SLIT3: variants seen among roughly 807,000 people sequenced by gnomAD.
The protein encoded by SLIT3 is slit guidance ligand 3.
A neutral mutation model predicts 184.0 loss-of-function variants in SLIT3; 68 were observed. The observed-to-expected ratio is 0.37, with a 90% CI of 0.30 to 0.45. The LOEUF (loss-of-function observed/expected upper bound fraction) is 0.45. SLIT3 is among the 20% of genes least tolerant of loss of function. The pLI is 1.00. For missense variants in SLIT3, 1,707 were observed against 2,026.0 expected, an observed-to-expected ratio of 0.84 and a Z score of 3.02; for synonymous variants, 831 against 828.6, an observed-to-expected ratio of 1.00 and a Z score of -0.05.
intron 4 of SLIT3, among the ~76,000 whole-genome samples, chr5:169,063,437 C>G (rs1758243696): frequency 6.6e-6 from 1 of 152,222 alleles, no homozygotes; most frequent in Non-Finnish European, 1.5e-5. Flanking sequence ...TCCCTCGATT[C>G]TCTTGTGGCT....
intron 20 of SLIT3, among the ~76,000 whole-genome samples, chr5:168,738,100 CAA>C (rs1763495213): frequency 6.6e-6 from 1 of 152,234 alleles, no homozygotes; most frequent in South Asian, 2.1e-4. Flanking sequence ...GAGTGGTTCT[CAA>C]AGTGTCATCC....
rs371554977 is a variant in SLIT3 at position 168,700,702 on chromosome 5, G to A, written c.2845-23C>T. The A allele has an allele frequency of 1.5e-4, 245 of 1,594,442 alleles. No homozygotes were observed. In the African/African-American group the frequency reaches 2.9e-3, roughly 19 times the overall value. ...GCCCTGAGGAGCAAAAGAGGGAGAA[G>A]CACCTGGTTAGGGGGACTTCTGGGG... On this transcript the variant is annotated intron_variant, in intron 26 of 35. Coordinates refer to ENST00000519560, the MANE Select transcript of SLIT3 (RefSeq NM_003062.4).
At chr5:169,072,470 TTCCAGGTCTC>T (rs1431403999) in intron 4 of SLIT3, among the ~76,000 whole-genome samples, 2 of 152,210 alleles carry the variant, frequency 1.3e-5, no homozygotes, top group Non-Finnish European at 2.9e-5. Context: ...ACATTATTCA[TTCCAGGTCTC>T]TCCAGCTCCA....
intron 4 of SLIT3, among the ~76,000 whole-genome samples, chr5:169,185,478 T>C (rs1457609969): frequency 3.3e-5 from 5 of 152,202 alleles, no homozygotes; most frequent in Non-Finnish European, 7.3e-5. Context: ...ATGGATTGGT[T>C]TTTCTGTTGT....
intron 3 of SLIT3, among the ~76,000 whole-genome samples, chr5:169,195,105 A>C (rs749182938): frequency 5.3e-5 from 8 of 152,210 alleles, no homozygotes; most frequent in Admixed American, 2.6e-4. Context: ...TGATGTAACT[A>C]TATGATCCCC....
rs565497064 is a variant in SLIT3 at position 168,683,832 on chromosome 5, T to G, written c.3686+134A>C. 1,240 of 758,564 alleles carry G rather than the reference T, an allele frequency of 1.6e-3. 2 individuals carry two copies. The highest frequency in any genetic ancestry group is 2.1e-3 in the South Asian group (60 of 28,012). The allele number at this position is 758,564 out of a possible 1,614,324, so 47.0% of individuals were successfully genotyped here. On this transcript the variant is annotated intron_variant, in intron 32 of 35. Coordinates refer to ENST00000519560, the MANE Select transcript of SLIT3 (RefSeq NM_003062.4). The stretch of plus-strand genomic sequence containing the variant: ...ACTCGGTGAGGAGGAAGTGTGTGTG[T>G]GCGCACATGTGCGTGGTAGGGGCGG...
At chr5:169,104,336 A>C (rs1308200900) in intron 4 of SLIT3, among the ~76,000 whole-genome samples, 2 of 152,148 alleles carry the variant, frequency 1.3e-5, no homozygotes, top group Non-Finnish European at 2.9e-5. Context: ...AAATAAGCCC[A>C]CGCAGAACTC....
chr5:168,664,394 C>T lies in SLIT3; in HGVS notation c.*2060G>A, dbSNP rs1199475275. 1 of 152,160 alleles carries T rather than the reference C, an allele frequency of 6.6e-6. No homozygotes were observed. Among genetic ancestry groups the T allele is most frequent in the Non-Finnish European group, 1.5e-5 (1 of 68,062 alleles). 9.4% of individuals were successfully genotyped at this position (152,160 alleles called of 1,614,324 possible). A position where few individuals can be genotyped will look rare whatever the true frequency, so the allele number is the denominator to read the frequency against. On this transcript the variant is annotated 3_prime_UTR_variant, in exon 36 of 36. Coordinates refer to ENST00000519560, the MANE Select transcript of SLIT3 (RefSeq NM_003062.4). ...CCTTGTCTCTAATGACAACAAAAAA[C>T]AAAGCCATCATAAGGCACAGTACCT...
intron 4 of SLIT3, chr5:169,023,598 C>T (rs760238977): frequency 5.4e-5 from 8 of 148,284 alleles, no homozygotes; most frequent in Non-Finnish European, 8.9e-5. Context: ...TATTTCTACC[C>T]TCTGTTCTTT....
At chr5:169,178,761 T>A (rs1458175321) in intron 4 of SLIT3, among the ~76,000 whole-genome samples, 1 of 152,180 alleles carries the variant, frequency 6.6e-6, no homozygotes, top group Non-Finnish European at 1.5e-5. Context: ...CCCCACCCAA[T>A]TCATTTAATG....
chr5:169,052,654 G>C (rs991465396), intron 4 of SLIT3, among the ~76,000 whole-genome samples: 7 of 152,170 alleles, frequency 4.6e-5, no homozygotes, highest in African/African-American at 1.7e-4. Flanking sequence ...ACATGTGGTA[G>C]GTCACATCCT....
At chr5:169,255,550 T>A (rs369349288) in intron 1 of SLIT3, among the ~76,000 whole-genome samples, 1 of 152,174 alleles carries the variant, frequency 6.6e-6, no homozygotes, top group East Asian at 1.9e-4. Flanking sequence ...TTAAGCTAAG[T>A]GTTATTACGA....
intron 29 of SLIT3, among the ~76,000 whole-genome samples, chr5:168,687,479 C>T (rs915165306): frequency 3.0e-4 from 45 of 152,318 alleles, no homozygotes; most frequent in Non-Finnish European, 1.6e-4. Context: ...CTCTCAGGAC[C>T]CTGTAAGGGA....
At chr5:169,058,805 G>C (rs1396140522) in intron 4 of SLIT3, among the ~76,000 whole-genome samples, 2 of 152,206 alleles carry the variant, frequency 1.3e-5, no homozygotes, top group South Asian at 4.1e-4. Flanking sequence ...AAATCTAAAT[G>C]GAAGGCTGAG....
At chr5:168,718,677 TACACACACACACACACACACACACAC>T (rs1163238928) in intron 23 of SLIT3, among the ~76,000 whole-genome samples, 3,744 of 108,712 alleles carry the variant, frequency 0.034, 115 homozygotes, top group African/African-American at 0.091. Flanking sequence ...TATCCACCCA[TACACACACACACACACACACACACAC>T]ACACACACAC....
intron 6 of SLIT3, among the ~76,000 whole-genome samples, chr5:168,835,431 G>A (rs1248598241): frequency 6.6e-6 from 1 of 151,298 alleles, no homozygotes; most frequent in Non-Finnish European, 1.5e-5. Context: ...TGGAGAAATG[G>A]AGTCATTATT....
Position 168,934,558 on chromosome 5 carries a change from G to GCTGATACCACAA in SLIT3, c.414-51223_414-51222insTTGTGGTATCAG, listed in dbSNP as rs1229029227. 2.6e-5 allele frequency among the ~76,000 whole-genome samples: 4 copies of GCTGATACCACAA among 152,120 alleles called. No individual in the cohort carries two copies. In the East Asian group the frequency reaches 7.7e-4, roughly 29 times the overall value. Reference sequence around the variant, plus strand: ...GACAGGCTGATACCACAAGATGATGGGAAAGGCACGCGGCTGTGGGAGCAC... The same window carrying GCTGATACCACAA: ...GACAGGCTGATACCACAAGATGATGGCTGATACCACAAGAAAGGCACGCGGCTGTGGGAGCAC... On this transcript the variant is annotated intron_variant, in intron 4 of 35. Coordinates refer to ENST00000519560, the MANE Select transcript of SLIT3 (RefSeq NM_003062.4).
intron 3 of SLIT3, among the ~76,000 whole-genome samples, chr5:169,220,086 C>T (rs1255553608): frequency 6.6e-6 from 1 of 152,056 alleles, no homozygotes; most frequent in East Asian, 1.9e-4. Flanking sequence ...TCTCCTGGCT[C>T]CCCTCTTTAG....
At chr5:169,015,931 A>AACACACACAC (rs3138760) in intron 4 of SLIT3, among the ~76,000 whole-genome samples, 19 of 120,386 alleles carry the variant, frequency 1.6e-4, no homozygotes, top group African/African-American at 3.4e-4. Flanking sequence ...GAAAAATATA[A>AACACACACAC]ACACACACAC....
Sources: gnomAD v4.1 joint callset for allele counts (sites outside exome capture counted in the v4.1 genomes callset) on GRCh38, gnomAD v4.1.1 for gene constraint, MANE v1.5 for transcripts, NCBI Gene and HGNC (gene_info 2026-07-23, HGNC 2026-07-21) for gene names.